The following CNTN4 variants were observed in gnomAD, a reference collection of about 807,000 sequenced individuals.
CNTN4 encodes contactin-4.
CNTN4 carries 77 observed loss-of-function variants against 122.5 expected under a neutral mutation model. That is an observed-to-expected ratio of 0.63 (90% CI 0.52 to 0.76). The LOEUF is 0.76. Among genes scored for constraint, CNTN4 ranks in the 30% least tolerant of loss-of-function variants. The pLI is 0.00. For synonymous variants in CNTN4, 512 were observed against 447.0 expected (o/e 1.15, Z -1.83); for missense variants, 1,256 against 1,259.1 (o/e 1.00, Z 0.04).
chr3:2,672,645 TG>T (rs758556311), intron 4 of CNTN4, among the ~76,000 whole-genome samples: 3 of 152,342 alleles, frequency 2.0e-5, no homozygotes, highest in South Asian at 4.1e-4. Context: ...GAGATGTACC[TG>T]GTACCTCAGT....
intron 3 of CNTN4, among the ~76,000 whole-genome samples, chr3:2,442,679 T>C (rs1217265079): frequency 1.3e-5 from 2 of 152,256 alleles, no homozygotes; most frequent in East Asian, 3.9e-4. Context: ...AGCATAATGA[T>C]TAGTTTTATT....
At chr3:2,802,317 C>G (rs979016237) in intron 6 of CNTN4, among the ~76,000 whole-genome samples, 1 of 152,174 alleles carries the variant, frequency 6.6e-6, no homozygotes, top group Non-Finnish European at 1.5e-5. Flanking sequence ...TGAGGTTGAA[C>G]AAAGTGACAC....
chr3:2,953,368 G>A (rs966749973), intron 13 of CNTN4, among the ~76,000 whole-genome samples: 5 of 151,854 alleles, frequency 3.3e-5, no homozygotes, highest in South Asian at 2.1e-4. Context: ...TGACACAGGC[G>A]GTAGATCGCT....
chr3:2,893,277 A>C (rs893267274), intron 10 of CNTN4, among the ~76,000 whole-genome samples: 1 of 152,236 alleles, frequency 6.6e-6, no homozygotes, highest in Non-Finnish European at 1.5e-5. Context: ...GGTCATCAAT[A>C]AATGAATACT....
chr3:2,431,357 C>A (rs1418724507), intron 3 of CNTN4, among the ~76,000 whole-genome samples: 1 of 152,068 alleles, frequency 6.6e-6, no homozygotes, highest in Non-Finnish European at 1.5e-5. Flanking sequence ...AAATGTACTT[C>A]TTTTTTATAT....
intron 2 of CNTN4, among the ~76,000 whole-genome samples, chr3:2,234,872 A>G (rs776196007): frequency 2.0e-5 from 3 of 152,202 alleles, no homozygotes; most frequent in East Asian, 3.9e-4. Flanking sequence ...CTCACAAAAG[A>G]TTCAAGTTTA....
intron 3 of CNTN4, among the ~76,000 whole-genome samples, chr3:2,466,970 C>CTTTTTTTTTTTTTTTTTTTT (rs60879017): frequency 6.8e-4 from 79 of 115,790 alleles, no homozygotes; most frequent in East Asian, 1.0e-3. Context: ...TTCTTTCTTT[C>CTTTTTTTTTTTTTTTTTTTT]TTTTTTTTTT....
At chr3:2,928,394 AG>A (rs2094492306) in intron 13 of CNTN4, among the ~76,000 whole-genome samples, 1 of 152,204 alleles carries the variant, frequency 6.6e-6, no homozygotes, top group African/African-American at 2.4e-5. Flanking sequence ...GATAGAGAAG[AG>A]GGAAAATTAA....
At chr3:2,296,806 A>C (rs1018562873) in intron 2 of CNTN4, among the ~76,000 whole-genome samples, 2 of 151,780 alleles carry the variant, frequency 1.3e-5, no homozygotes, top group Non-Finnish European at 2.9e-5. Context: ...AAAAACAACA[A>C]AAAACTATAA....
At chr3:2,659,736 A>G (rs952940459) in intron 4 of CNTN4, among the ~76,000 whole-genome samples, 8 of 152,108 alleles carry the variant, frequency 5.3e-5, no homozygotes, top group African/African-American at 1.4e-4. Context: ...ATGCTTTACA[A>G]TTTGTCATAA....
chr3:2,277,806 T>C (rs2041573135), intron 2 of CNTN4, among the ~76,000 whole-genome samples: 1 of 152,218 alleles, frequency 6.6e-6, no homozygotes, highest in African/African-American at 2.4e-5. Context: ...TACTTCCTTC[T>C]TGTTTGGAGA....
chr3:2,262,837 C>T (rs1004508335), intron 2 of CNTN4, among the ~76,000 whole-genome samples: 8 of 152,098 alleles, frequency 5.3e-5, no homozygotes, highest in African/African-American at 1.9e-4. Flanking sequence ...TTGAGATAGG[C>T]ATTCCAAAGC....
At chr3:2,789,939 T>G (rs1026478672) in intron 6 of CNTN4, among the ~76,000 whole-genome samples, 2 of 152,234 alleles carry the variant, frequency 1.3e-5, no homozygotes, top group Non-Finnish European at 2.9e-5. Context: ...AGCCATTTAG[T>G]AGAGTATCCA....
intron 14 of CNTN4, among the ~76,000 whole-genome samples, chr3:3,023,361 C>T (rs898369403): frequency 1.3e-5 from 2 of 152,136 alleles, no homozygotes; most frequent in Non-Finnish European, 2.9e-5. Flanking sequence ...AACAACTGCA[C>T]CAACATAATC....
intron 13 of CNTN4, among the ~76,000 whole-genome samples, chr3:2,940,825 A>C (rs1577345036): frequency 6.6e-6 from 1 of 152,196 alleles, no homozygotes; most frequent in Non-Finnish European, 1.5e-5. Flanking sequence ...AAGTCTGGTC[A>C]TGGGGGTGAT....
intron 3 of CNTN4, among the ~76,000 whole-genome samples, chr3:2,424,078 T>C (rs1200764430): frequency 6.6e-6 from 1 of 151,468 alleles, no homozygotes; most frequent in Non-Finnish European, 1.5e-5. Context: ...TTTTAAATTG[T>C]ATTATACTTT....
intron 4 of CNTN4, among the ~76,000 whole-genome samples, chr3:2,630,770 G>T (rs912681912): frequency 2.0e-5 from 3 of 151,482 alleles, no homozygotes; most frequent in Admixed American, 6.6e-5. Flanking sequence ...ACTAGGATTT[G>T]TTGAGTAGCG....
intron 3 of CNTN4, among the ~76,000 whole-genome samples, chr3:2,474,201 T>C (rs1159745527): frequency 1.3e-5 from 2 of 152,120 alleles, no homozygotes; most frequent in Non-Finnish European, 2.9e-5. Flanking sequence ...TAGCACAGCA[T>C]TTCATCACAT....
At chr3:3,026,777 T>C (rs934001310) in intron 15 of CNTN4, among the ~76,000 whole-genome samples, 2 of 152,192 alleles carry the variant, frequency 1.3e-5, no homozygotes, top group Admixed American at 1.3e-4. Flanking sequence ...GATGGGGTTA[T>C]TTACTATCTC....
Sources: gnomAD v4.1 joint callset for allele counts (sites outside exome capture counted in the v4.1 genomes callset) on GRCh38, gnomAD v4.1.1 for gene constraint, MANE v1.5 for transcripts, NCBI Gene and HGNC (gene_info 2026-07-23, HGNC 2026-07-21) for gene names.